DCTN3: variants seen among roughly 807,000 people sequenced by gnomAD.
DCTN3 encodes dynactin 3 (p22).
Under a neutral mutation model 28.4 loss-of-function variants are expected in DCTN3, and 25 were observed. That is an observed-to-expected ratio of 0.88 (90% CI 0.64 to 1.23). The LOEUF is 1.23. DCTN3 is among the 50% of genes most tolerant of loss of function. The pLI is 0.00. For synonymous variants in DCTN3, 81 were observed against 91.4 expected (o/e 0.89, Z 0.65); for missense variants, 229 against 232.0 (o/e 0.99, Z 0.08).
At chr9:34,619,487 A>G (rs1019373259) in intron 1 of DCTN3, among the ~76,000 whole-genome samples, 2 of 152,186 alleles carry the variant, frequency 1.3e-5, no homozygotes. Context: ...CAAATAGAGG[A>G]GGAGACTAAG....
chr9:34,614,983 C>T (rs892765465), intron 4 of DCTN3: 6 of 578,054 alleles, frequency 1.0e-5, no homozygotes, highest in Admixed American at 3.2e-5. Context: ...ATACATGTCC[C>T]GAGGAGAAGA....
chr9:34,618,537 G>T, intron 2 of DCTN3, 139 bp downstream of exon 2: 1 of 691,966 alleles, frequency 1.4e-6, no homozygotes, highest in Non-Finnish European at 2.6e-6. Context: ...ATTGAATTGG[G>T]TGTAGGTAAA....
Position 34,613,770 on chromosome 9 carries a change from G to A in DCTN3, c.*12C>T, listed in dbSNP as rs749224318. On this transcript the variant is annotated 3_prime_UTR_variant, in exon 7 of 7. Coordinates refer to ENST00000259632, the MANE Select transcript of DCTN3 (RefSeq NM_007234.5). ...TGACTGCCCAGGCCCACTTTGGGAT[G>A]GGGAGCAGCTATCACTCCTCTGCTG... is the stretch of plus-strand genomic sequence containing the variant. 2 of 1,613,442 alleles carry A rather than the reference G, an allele frequency of 1.2e-6. No homozygotes were observed. Among genetic ancestry groups the A allele is most frequent in the Non-Finnish European group, 1.7e-6 (2 of 1,179,666 alleles).
intron 4 of DCTN3, chr9:34,615,000 C>A: frequency 5.4e-6 from 3 of 554,250 alleles, no homozygotes; most frequent in Non-Finnish European, 9.6e-6. Flanking sequence ...AAGACAAAAC[C>A]TTGGGGTTCC....
Position 34,618,698 on chromosome 9 carries a change from C to A in DCTN3, c.159G>T (p.Arg53Ser). ...ALGNISSKRE[R>S]VKILYKKIED... ...TACTCTTTTTGTAGAGAATCTTCAC[C>A]CTCTCCCTCTTGCTGGAAATGTTCC... Residue 53 changes from arginine to serine, a missense_variant, in exon 2 of 7, where the codon AGG becomes AGT. Arg to Ser is a moderately radical substitution (Grantham distance 110). Coordinates refer to ENST00000259632, the MANE Select transcript of DCTN3 (RefSeq NM_007234.5). The A allele has an allele frequency of 6.2e-7, 1 of 1,614,116 alleles. No individual in the cohort carries two copies. Among genetic ancestry groups the A allele is most frequent in the Non-Finnish European group, 8.5e-7 (1 of 1,179,974 alleles).
At chr9:34,615,632 C>A (rs572652603) in intron 4 of DCTN3, 263 of 160,796 alleles carry the variant, frequency 1.6e-3, no homozygotes, top group African/African-American at 6.0e-3. Flanking sequence ...AAGGAACAGG[C>A]CAGGCACAGT....
chr9:34,620,250 T>G, intron 1 of DCTN3, 119 bp downstream of exon 1: 2 of 899,342 alleles, frequency 2.2e-6, no homozygotes, highest in Non-Finnish European at 1.7e-6. Flanking sequence ...TCCCGGACCT[T>G]TGTTATTTCA....
At chr9:34,615,943 A>C in intron 4 of DCTN3, 87 bp downstream of exon 4, 2 of 1,120,182 alleles carry the variant, frequency 1.8e-6, no homozygotes, top group Non-Finnish European at 2.6e-6. Context: ...ACCCGAATCC[A>C]CACAACCTGA....
Position 34,618,604 on chromosome 9 carries a change from G to C in DCTN3, c.181+72C>G, listed in dbSNP as rs1016714850. On this transcript the variant is annotated intron_variant, in intron 2 of 6. Transcript: ENST00000259632. ...TATTCCAGTGACCTAATGAACTGAA[G>C]GGCTAGGGCCAGGTACCAGGAAGCT... The C allele has an allele frequency of 4.2e-6, 5 of 1,194,458 alleles. 1 individual carries two copies. In the Admixed American group the frequency reaches 8.4e-5, roughly 20 times the overall value. 74.0% of individuals were successfully genotyped at this position (1,194,458 alleles called of 1,614,324 possible).
chr9:34,618,161 G>C (rs1156825598), intron 2 of DCTN3, among the ~76,000 whole-genome samples, 190 bp from the exon 3 acceptor site: 4 of 151,940 alleles, frequency 2.6e-5, no homozygotes, highest in Non-Finnish European at 5.9e-5. Flanking sequence ...CTCTTCTCTT[G>C]AAGTCTCTTC....
chr9:34,619,480 A>G (rs1244397520), intron 1 of DCTN3, among the ~76,000 whole-genome samples: 1 of 152,206 alleles, frequency 6.6e-6, no homozygotes, highest in South Asian at 2.1e-4. Context: ...AAAGGGTCAA[A>G]TAGAGGAGGA....
At chr9:34,615,761 G>C (rs925286746) in intron 4 of DCTN3, 3 of 297,082 alleles carry the variant, frequency 1.0e-5, no homozygotes, top group Non-Finnish European at 1.9e-5. Flanking sequence ...AAAATAGCCA[G>C]GTGTGGTGGC....
At chr9:34,614,367 T>C in intron 5 of DCTN3, 2 of 718,206 alleles carry the variant, frequency 2.8e-6, no homozygotes, top group Non-Finnish European at 4.4e-6. Context: ...TCTGTCCTTA[T>C]TTCTGAACTC....
chr9:34,618,501 G>T (rs1282283930), intron 2 of DCTN3, among the ~76,000 whole-genome samples, 175 bp downstream of exon 2: 3 of 152,208 alleles, frequency 2.0e-5, no homozygotes, highest in Admixed American at 6.5e-5. Flanking sequence ...TAGCCACAAG[G>T]TAGAAAAGCA....
chr9:34,617,855 G>C (rs1050708032), intron 3 of DCTN3, 30 bp downstream of exon 3: 7 of 1,613,052 alleles, frequency 4.3e-6, no homozygotes, highest in African/African-American at 2.7e-5. Context: ...CACATCCTCA[G>C]ATGCATGTAC....
At chr9:34,619,894 T>C (rs187550678) in intron 1 of DCTN3, among the ~76,000 whole-genome samples, 3 of 152,300 alleles carry the variant, frequency 2.0e-5, no homozygotes, top group Admixed American at 1.3e-4. Context: ...ACCCAGTCTC[T>C]TCCCTTCCTA....
chr9:34,613,837 T>C lies in DCTN3; in HGVS notation c.506A>G (p.Asp169Gly). ...GGCCTCTAGCTGGCAAAGTAGCTCATCCCACTGCACGAATTGCTTGGAGAG... is the reference window on the plus strand; with the variant it reads ...GGCCTCTAGCTGGCAAAGTAGCTCACCCCACTGCACGAATTGCTTGGAGAG... ...MLLSKQFVQW[D>G]ELLCQLEAAT... Residue 169 changes from aspartate to glycine, a missense_variant, in exon 7 of 7, where the codon GAT becomes GGT. Physicochemically the swap from Asp to Gly is moderately conservative, Grantham distance 94 (BLOSUM62 -1). Coordinates refer to ENST00000259632, the MANE Select transcript of DCTN3 (RefSeq NM_007234.5). 1 of 1,614,182 alleles carries C rather than the reference T, an allele frequency of 6.2e-7. No homozygotes were observed. The highest frequency in any genetic ancestry group is 8.5e-7 in the Non-Finnish European group (1 of 1,180,024).
intron 2 of DCTN3, 90 bp downstream of exon 2, chr9:34,618,586 G>T: frequency 1.1e-6 from 1 of 948,298 alleles, no homozygotes; most frequent in Non-Finnish European, 1.7e-6. Flanking sequence ...GGCTATTCCA[G>T]TGACCTAATG....
chr9:34,617,794 C>T lies in DCTN3; in HGVS notation c.268+91G>A, dbSNP rs531781261. On this transcript the variant is annotated intron_variant, in intron 3 of 6. Transcript: ENST00000259632. ...GAGCAGCATCCAGGGCTTGTATCCA[C>T]CAGAAGACTGGATGGAGAGGCCATC... The T allele has an allele frequency of 2.1e-5, 33 of 1,572,340 alleles. No homozygotes were observed. The South Asian group carries it at 3.5e-4, about 17-fold the overall frequency.
Sources: gnomAD v4.1 joint callset for allele counts (sites outside exome capture counted in the v4.1 genomes callset) on GRCh38, gnomAD v4.1.1 for gene constraint, MANE v1.5 for transcripts, NCBI Gene and HGNC (gene_info 2026-07-23, HGNC 2026-07-21) for gene names.